Variants in TIMM50 observed in about 807,000 individuals in gnomAD.
TIMM50 encodes mitochondrial import inner membrane translocase subunit TIM50.
In TIMM50, 34 loss-of-function variants were observed where a neutral mutation model predicts 49.6. That is an observed-to-expected ratio of 0.69 (90% confidence interval 0.52 to 0.91). The LOEUF is 0.91. TIMM50 is among the 40% of genes least tolerant of loss of function. The pLI is 0.00. For synonymous variants in TIMM50, 199 were observed against 198.4 expected, an observed-to-expected ratio of 1.00 and a Z score of -0.03; for missense variants, 458 against 477.8, an observed-to-expected ratio of 0.96 and a Z score of 0.39.
chr19:39,483,056 C>A, intron 3 of TIMM50, 79 bp from the exon 4 acceptor site: 1 of 1,608,732 alleles, frequency 6.2e-7, no homozygotes. Context: ...CTCTTGGGGT[C>A]CTGGAGATTC....
chr19:39,488,096 A>T lies in TIMM50; in HGVS notation c.732A>T (p.Val244=), dbSNP rs1379997496. The T allele has an allele frequency of 6.2e-7, 1 of 1,612,600 alleles. No homozygotes were observed. Among genetic ancestry groups the T allele is most frequent in the Non-Finnish European group, 8.5e-7 (1 of 1,178,830 alleles). ...GTCTGAATCGGGACCCAGCTCGAGTAGTAGTTGTGGACTGCAAGAAGGAAG... is the reference window on the plus strand; with the variant it reads ...GTCTGAATCGGGACCCAGCTCGAGTTGTAGTTGTGGACTGCAAGAAGGAAG... ...ISCLNRDPAR[V]VVVDCKKEAF... is the part of the protein sequence containing the mutation. The change falls in exon 9 of 11, where the codon GTA becomes GTT. Residue 244 remains valine, a synonymous_variant. Transcript: ENST00000607714.
Position 39,488,715 on chromosome 19 carries a change from A to G in TIMM50, c.960+70A>G. 4.0e-6 allele frequency: 5 copies of G among 1,253,000 alleles called. No homozygotes were observed. In the South Asian group the frequency reaches 6.1e-5, roughly 15 times the overall value. 77.6% of individuals were successfully genotyped at this position (1,253,000 alleles called of 1,614,324 possible). Reference sequence around the variant, plus strand: ...CTGAAGGAGGAGCCTGGGGCAGTCCATCTCCACACTCTTGGTTTGGCTGTG... The same window carrying G: ...CTGAAGGAGGAGCCTGGGGCAGTCCGTCTCCACACTCTTGGTTTGGCTGTG... On this transcript the variant is annotated intron_variant, in intron 10 of 10. Coordinates refer to ENST00000607714, the MANE Select transcript of TIMM50 (RefSeq NM_001001563.5).
At chr19:39,483,192 C>T (rs751273212) in intron 4 of TIMM50, 36 bp downstream of exon 4, 4 of 1,613,242 alleles carry the variant, frequency 2.5e-6, no homozygotes, top group African/African-American at 2.7e-5. Flanking sequence ...AGTCCCTGAC[C>T]CTCTCAACTC....
At chr19:39,487,567 C>G (rs923287292) in intron 8 of TIMM50, among the ~76,000 whole-genome samples, 3 of 152,182 alleles carry the variant, frequency 2.0e-5, no homozygotes, top group African/African-American at 7.2e-5. Flanking sequence ...AAGCGATTCT[C>G]TTTCCTCAGC....
Position 39,492,884 on chromosome 19 carries a change from A to AAC in TIMM50, c.*3065_*3066insCA, listed in dbSNP as rs1555752654. 2.8e-5 allele frequency: 4 copies of AAC among 143,872 alleles called. No individual in the cohort carries two copies. The highest frequency in any genetic ancestry group is 5.6e-5 in the African/African-American group (2 of 35,964). 8.9% of individuals were successfully genotyped at this position (143,872 alleles called of 1,614,324 possible). The stretch of plus-strand genomic sequence containing the variant: ...AGGCTCTGTCTCCAAAAAAAAAAAA[A>AAC]AAAAAAAACAAAAAAAAAACCAGTT... On this transcript the variant is annotated 3_prime_UTR_variant, in exon 11 of 11. Coordinates refer to ENST00000607714, the MANE Select transcript of TIMM50 (RefSeq NM_001001563.5).
chr19:39,488,183 C>T lies in TIMM50; in HGVS notation c.819C>T (p.Asp273=). The T allele has an allele frequency of 2.5e-6, 4 of 1,613,946 alleles. No homozygotes were observed. The highest frequency in any genetic ancestry group is 2.5e-6 in the Non-Finnish European group (3 of 1,179,830). Residue 273 remains aspartate (D), a synonymous_variant, in exon 9 of 11, where the codon GAC becomes GAT. Transcript: ENST00000607714. ...ALRPWDGNSD[D]RVLLDLSAFL... ...GGCCCTGGGACGGCAACTCTGATGA[C>T]CGGGTCTTGTTGGATCTGTCTGCCT...
intron 6 of TIMM50, 155 bp downstream of exon 6, chr19:39,485,962 T>C: frequency 1.6e-6 from 2 of 1,246,420 alleles, no homozygotes. Flanking sequence ...GCAGTCATGC[T>C]AACACCCACT....
intron 9 of TIMM50, 26 bp from the exon 10 acceptor site, chr19:39,488,513 C>T (rs1945223838): frequency 2.5e-6 from 4 of 1,606,054 alleles, no homozygotes; most frequent in Admixed American, 1.7e-5. Flanking sequence ...AGAAGCCTGG[C>T]TGACCACCCC....
chr19:39,492,903 A>C lies in TIMM50; in HGVS notation c.*3083A>C, dbSNP rs1215509144. The C allele has an allele frequency of 2.7e-5, 4 of 148,782 alleles. No individual in the cohort carries two copies. Among genetic ancestry groups the C allele is most frequent in the South Asian group, 2.1e-4 (1 of 4,674 alleles). The allele number at this position is 148,782 out of a possible 1,614,324, so 9.2% of individuals were successfully genotyped here. A position where few individuals can be genotyped will look rare whatever the true frequency, so the allele number is the denominator to read the frequency against. ...AAAAAAAAAAAAAAACAAAAAAAAA[A>C]CCAGTTTGACTTTATCTCCCTCGCC... On this transcript the variant is annotated 3_prime_UTR_variant, in exon 11 of 11. Coordinates refer to ENST00000607714, the MANE Select transcript of TIMM50 (RefSeq NM_001001563.5).
At chr19:39,482,089 T>TG (rs2079476491) in intron 2 of TIMM50, 56 bp downstream of exon 2, 9 of 1,586,956 alleles carry the variant, frequency 5.7e-6, no homozygotes, top group Non-Finnish European at 7.8e-6. Flanking sequence ...TGGTCCACTG[T>TG]GGAACCTCCC....
rs559601460 is a variant in TIMM50 at position 39,483,445 on chromosome 19, C to G, written c.313+289C>G. 9.2e-5 allele frequency: 42 copies of G among 458,530 alleles called. No homozygotes were observed. In the East Asian group the frequency reaches 1.5e-3, roughly 17 times the overall value. The allele number at this position is 458,530 out of a possible 1,614,324, so 28.4% of individuals were successfully genotyped here. On this transcript the variant is annotated intron_variant, in intron 4 of 10. Coordinates refer to ENST00000607714, the MANE Select transcript of TIMM50 (RefSeq NM_001001563.5). ...TCTCCAGACACATGGGTTCCTGTGC[C>G]TTAGACCAAGCATCTGCGGTTCCCA...
chr19:39,481,197 G>A (rs1340507412), intron 1 of TIMM50: 2 of 565,784 alleles, frequency 3.5e-6, no homozygotes, highest in Non-Finnish European at 6.0e-6. Context: ...GAGGAGGAGG[G>A]GGTTACCGTT....
At position 39,488,202 on chromosome 19, in the gene TIMM50, T is replaced by C. The variant is rs745881902; in HGVS notation, c.838T>C (p.Ser280Pro). The C allele has an allele frequency of 6.2e-7, 1 of 1,612,948 alleles. No homozygotes were observed. Among genetic ancestry groups the C allele is most frequent in the Non-Finnish European group, 8.5e-7 (1 of 1,179,004 alleles). ...NSDDRVLLDL[S>P]AFLKTIALNG... ...TGATGACCGGGTCTTGTTGGATCTG[T>C]CTGCCTTCCTCAAGAGTAAGGCTGA... Residue 280 changes from serine to proline, a missense_variant, in exon 9 of 11, where the codon TCT (serine) becomes CCT (proline). By Grantham distance (74) the Ser-to-Pro change is moderately conservative. Transcript: ENST00000607714.
rs1366697006 is a variant in TIMM50 at position 39,489,771 on chromosome 19, TC to T, written c.1015del (p.Gly340AlafsTer100). On this transcript the variant is annotated frameshift_variant, in exon 11 of 11. Coordinates refer to ENST00000607714, the MANE Select transcript of TIMM50 (RefSeq NM_001001563.5). LOFTEE classifies it high-confidence loss of function. ...TCCAAGTCCAACAAGCAGAACCTCT[TC>T]CTTGGCTCCCTCACCAGCCGCTTGT... ...ELSKSNKQNL[F>X]LGSLTSRLWP... 6.2e-7 allele frequency: 1 copy of T among 1,612,338 alleles called. No individual in the cohort carries two copies. The highest frequency in any genetic ancestry group is 1.7e-5 in the Admixed American group (1 of 59,780).
chr19:39,487,944 A>G (rs1381957879), intron 8 of TIMM50, 117 bp from the exon 9 acceptor site: 3 of 1,444,898 alleles, frequency 2.1e-6, no homozygotes, highest in African/African-American at 1.4e-5. Flanking sequence ...AGGCCCTGCC[A>G]TTGTGATCCC....
intron 10 of TIMM50, among the ~76,000 whole-genome samples, chr19:39,489,067 T>C (rs1465810789): frequency 1.3e-5 from 2 of 151,474 alleles, no homozygotes; most frequent in African/African-American, 4.9e-5. Context: ...GGACTGAGAG[T>C]ATGGATTGCG....
chr19:39,487,896 G>A, intron 8 of TIMM50, 165 bp from the exon 9 acceptor site: 1 of 1,050,138 alleles, frequency 9.5e-7, no homozygotes, highest in Non-Finnish European at 1.3e-6. Flanking sequence ...CTGGCCCTCT[G>A]TGGGGGTCGA....
Position 39,481,990 on chromosome 19 carries a change from G to T in TIMM50, c.216G>T (p.Gly72=). 1 of 1,614,158 alleles carries T rather than the reference G, an allele frequency of 6.2e-7. No homozygotes were observed. Among genetic ancestry groups the T allele is most frequent in the Middle Eastern group, 1.6e-4 (1 of 6,062 alleles). The change falls in exon 2 of 11, where the codon GGG becomes GGT. Residue 72 remains glycine (G), a synonymous_variant. Transcript: ENST00000607714. ...YAKKVALWLA[G]LLGAGGTVSV... ...AAAAAGTTGCGCTCTGGCTTGCTGG[G>T]CTGCTTGGAGCTGGTGGGACTGTGA... is the stretch of plus-strand genomic sequence containing the variant.
At position 39,486,274 on chromosome 19, in the gene TIMM50, A is replaced by G. The variant is rs1367120380; in HGVS notation, c.580A>G (p.Thr194Ala). 6.2e-7 allele frequency: 1 copy of G among 1,614,114 alleles called. No homozygotes were observed. The highest frequency in any genetic ancestry group is 8.5e-7 in the Non-Finnish European group (1 of 1,180,016). ...CCCTTTATATGAAATTGTCATCTTTACGTCAGAGACTGGCATGGTGAGGCT... is the reference window on the plus strand; with the variant it reads ...CCCTTTATATGAAATTGTCATCTTTGCGTCAGAGACTGGCATGGTGAGGCT... ...LAPLYEIVIF[T>A]SETGMTAFPL... The change falls in exon 7 of 11, where the codon ACG (threonine) becomes GCG (alanine). Residue 194 changes from threonine (T) to alanine (A), a missense_variant. Thr to Ala is a moderately conservative substitution (Grantham distance 58). Coordinates refer to ENST00000607714, the MANE Select transcript of TIMM50 (RefSeq NM_001001563.5).
Sources: gnomAD v4.1 joint callset for allele counts (sites outside exome capture counted in the v4.1 genomes callset) on GRCh38, gnomAD v4.1.1 for gene constraint, MANE v1.5 for transcripts, NCBI Gene and HGNC (gene_info 2026-07-23, HGNC 2026-07-21) for gene names.